COLQ: variants seen among roughly 807,000 people sequenced by gnomAD.
COLQ encodes collagen like tail subunit of asymmetric acetylcholinesterase, also known as acetylcholinesterase collagenic tail peptide.
COLQ carries 48 observed loss-of-function variants against 69.0 expected under a neutral mutation model. The ratio of observed to expected loss-of-function variants is 0.70; its 90% CI spans 0.55 to 0.88. The LOEUF (loss-of-function observed/expected upper bound fraction) is 0.88. COLQ is among the 40% of genes least tolerant of loss of function. The pLI, the probability that COLQ is intolerant of heterozygous loss-of-function variation, is 0.00. For synonymous variants in COLQ, 217 were observed against 211.2 expected, an observed-to-expected ratio of 1.03 and a Z score of -0.24; for missense variants, 618 against 594.6, an observed-to-expected ratio of 1.04 and a Z score of -0.41.
intron 11 of COLQ, 121 bp downstream of exon 11, chr3:15,470,415 G>A (rs1204716434): frequency 9.0e-6 from 8 of 890,676 alleles, no homozygotes; most frequent in Non-Finnish European, 1.5e-5. Context: ...TGCTAGCCCA[G>A]AGGATGCTGG....
chr3:15,494,962 T>A (rs1463322298), intron 1 of COLQ, among the ~76,000 whole-genome samples: 7 of 152,206 alleles, frequency 4.6e-5, no homozygotes, highest in Non-Finnish European at 8.8e-5. Flanking sequence ...AGCTAGGTAC[T>A]ACTCTTGTTA....
At position 15,498,887 on chromosome 3, in the gene COLQ, A is replaced by AG. The variant is rs2062791481; in HGVS notation, c.107-9251dup. The AG allele has an allele frequency of 2.5e-5, 33 of 1,343,860 alleles. No homozygotes were observed. The South Asian group carries it at 4.6e-4, about 19-fold the overall frequency. 83.2% of individuals were successfully genotyped at this position (1,343,860 alleles called of 1,614,324 possible). A position where few individuals can be genotyped will look rare whatever the true frequency, so the allele number is the denominator to read the frequency against. Reference sequence around the variant, plus strand: ...GGGGAGGATATGAGGTTGGGAGCCCAGGGATACTTATCCCCCTGCAAGCCA... The same window carrying AG: ...GGGGAGGATATGAGGTTGGGAGCCCAGGGGATACTTATCCCCCTGCAAGCCA... On this transcript the variant is annotated intron_variant, in intron 1 of 16. Transcript: ENST00000383788.
chr3:15,506,508 T>C (rs1365553527), intron 1 of COLQ: 2 of 152,234 alleles, frequency 1.3e-5, no homozygotes, highest in Non-Finnish European at 2.9e-5. Context: ...ATTTTGTGCA[T>C]ATACAAGCAA....
Position 15,457,979 on chromosome 3 carries a change from G to C in COLQ, c.954+207C>G, listed in dbSNP as rs377740891. ...AAAAGTTAGATTTTAATAAGACAAA[G>C]AAAATACCCCAAAATGGACTCACAA... On this transcript the variant is annotated intron_variant, in intron 13 of 16. Coordinates refer to ENST00000383788, the MANE Select transcript of COLQ (RefSeq NM_005677.4). 2.4e-4 allele frequency among the ~76,000 whole-genome samples: 36 copies of C among 152,204 alleles called. 3 individuals carry two copies. The highest frequency in any genetic ancestry group is 1.2e-3 in the Admixed American group (18 of 15,286).
At chr3:15,459,912 C>T (rs2062082991) in intron 12 of COLQ, among the ~76,000 whole-genome samples, 1 of 152,006 alleles carries the variant, frequency 6.6e-6, no homozygotes. Context: ...AAGATGATTC[C>T]AATTTGCCCC....
intron 8 of COLQ, 119 bp downstream of exon 8, chr3:15,474,806 G>A: frequency 8.4e-7 from 1 of 1,192,162 alleles, no homozygotes; most frequent in Non-Finnish European, 1.2e-6. Flanking sequence ...GGAATAGCTA[G>A]GGATGGTGGC....
intron 3 of COLQ, among the ~76,000 whole-genome samples, chr3:15,483,846 C>G (rs1236013448): frequency 2.0e-5 from 3 of 152,162 alleles, no homozygotes; most frequent in African/African-American, 7.2e-5. Context: ...GGGTGGGAGT[C>G]TAAGTCTCTT....
intron 1 of COLQ, among the ~76,000 whole-genome samples, chr3:15,490,244 A>G (rs570832929): frequency 6.6e-6 from 1 of 152,192 alleles, no homozygotes; most frequent in Non-Finnish European, 1.5e-5. Context: ...TTGTAGCTTT[A>G]TTTTTACAAA....
At chr3:15,513,349 C>A (rs750143244) in intron 1 of COLQ, among the ~76,000 whole-genome samples, 17 of 152,194 alleles carry the variant, frequency 1.1e-4, no homozygotes, top group Non-Finnish European at 2.4e-4. Context: ...ATTCATCAAT[C>A]CCGCCCATTC....
At chr3:15,471,908 G>T (rs753476235) in intron 10 of COLQ, among the ~76,000 whole-genome samples, 33 of 152,126 alleles carry the variant, frequency 2.2e-4, no homozygotes, top group Non-Finnish European at 4.1e-4. Flanking sequence ...TTTTTCCCTG[G>T]CTGTTTTAGA....
rs2062269908 is a variant in COLQ at position 15,470,751 on chromosome 3, G to T, written c.637-135C>A. 3.7e-6 allele frequency: 3 copies of T among 812,964 alleles called. No homozygotes were observed. The African/African-American group carries it at 5.0e-5, about 14-fold the overall frequency. The allele number at this position is 812,964 out of a possible 1,614,324, so 50.4% of individuals were successfully genotyped here. A position where few individuals can be genotyped will look rare whatever the true frequency, so the allele number is the denominator to read the frequency against. ...GAATCTATGCCAACTGGGCTGCCCT[G>T]CAAGGTTAGCAGAGTGAGGAAGTCA... On this transcript the variant is annotated intron_variant, in intron 10 of 16. Transcript: ENST00000383788.
At chr3:15,487,383 G>A (rs113137457) in intron 3 of COLQ, among the ~76,000 whole-genome samples, 1,931 of 152,322 alleles carry the variant, frequency 0.013, 45 homozygotes, top group African/African-American at 0.044. Context: ...CTGAGTCAAC[G>A]AGACAATGGA....
rs760303798 is a variant in COLQ, at chr3:15,456,467, G to C, written c.1067C>G (p.Pro356Arg). 21 of 1,613,994 alleles carry C rather than the reference G, an allele frequency of 1.3e-5. No homozygotes were observed. The East Asian group carries it at 4.5e-4, about 34-fold the overall frequency. Residue 356 changes from proline to arginine, a missense_variant, in exon 14 of 17, where the codon CCC becomes CGC. By Grantham distance (103) the Pro-to-Arg change is moderately radical. Transcript: ENST00000383788. ...LYFKDSLGWL[P>R]IQLTPFYPVD... Reference sequence around the variant, plus strand: ...GTAATGGCCTGGGGGTACCTGGATGGGGAGCCAGCCAAGGCTGTCCTTGAA... The same window carrying C: ...GTAATGGCCTGGGGGTACCTGGATGCGGAGCCAGCCAAGGCTGTCCTTGAA...
chr3:15,460,294 A>C (rs1387577932), intron 12 of COLQ, among the ~76,000 whole-genome samples: 6 of 152,232 alleles, frequency 3.9e-5, no homozygotes, highest in African/African-American at 1.2e-4. Flanking sequence ...GGAGAGAAAA[A>C]GTCTTCAGAA....
intron 1 of COLQ, among the ~76,000 whole-genome samples, chr3:15,493,911 C>T (rs373695509): frequency 7.6e-4 from 116 of 152,306 alleles, no homozygotes; most frequent in Non-Finnish European, 1.2e-3. Flanking sequence ...GGCGAAACCC[C>T]GTGTCTACTA....
chr3:15,463,350 TTTTTTG>T lies in COLQ; in HGVS notation c.814+2985_814+2990del, dbSNP rs1295021993. 1.1e-3 allele frequency among the ~76,000 whole-genome samples: 174 copies of T among 151,706 alleles called. 1 individual carries two copies. The highest frequency in any genetic ancestry group is 4.0e-3 in the African/African-American group (165 of 41,324). ...TTTTTGTTGTTTTTGTTGTTTTTTG[TTTTTTG>T]TTTTTTTTGAGATGGAGTCTTGCTC... On this transcript the variant is annotated intron_variant, in intron 12 of 16. Transcript: ENST00000383788.
intron 1 of COLQ, among the ~76,000 whole-genome samples, chr3:15,507,207 T>C (rs929580826): frequency 6.6e-6 from 1 of 152,248 alleles, no homozygotes; most frequent in African/African-American, 2.4e-5. Context: ...CATCTGCTGA[T>C]GCAAACAATG....
rs553202574 is a variant in COLQ at position 15,486,497 on chromosome 3, A to T, written c.321+1709T>A. Among the ~76,000 whole-genome samples the T allele has an allele frequency of 4.6e-5, 7 of 152,246 alleles. No individual in the cohort carries two copies. The East Asian group carries it at 1.3e-3, about 29-fold the overall frequency. ...CACATGCTTCAAAGGGGATTGCACG[A>T]GGTTAGAGATGTGTGTGACCAGAGA... On this transcript the variant is annotated intron_variant, in intron 3 of 16. Transcript: ENST00000383788.
chr3:15,500,359 T>A (rs924932848), intron 1 of COLQ, among the ~76,000 whole-genome samples: 1 of 152,220 alleles, frequency 6.6e-6, no homozygotes, highest in Non-Finnish European at 1.5e-5. Flanking sequence ...TTCTGAGTCA[T>A]ATTCTTGCAG....
Sources: allele counts gnomAD v4.1 joint callset (sites outside exome capture counted in the v4.1 genomes callset), GRCh38; gene constraint gnomAD v4.1.1; transcripts MANE v1.5; gene names NCBI Gene and HGNC (gene_info 2026-07-23, HGNC 2026-07-21).